The following FHIT variants were observed in gnomAD, a reference collection of about 807,000 sequenced individuals.
FHIT encodes the protein bis(5'-adenosyl)-triphosphatase.
Under a neutral mutation model 17.9 loss-of-function variants are expected in FHIT, and 19 were observed. The observed-to-expected ratio is 1.06, with a 90% CI of 0.74 to 1.56. The LOEUF (loss-of-function observed/expected upper bound fraction) is 1.56, where lower values mean the gene tolerates loss of function less well. Ranked by LOEUF, FHIT falls within the 40% of genes most tolerant of loss-of-function variation. The pLI is 0.00. For missense variants in FHIT, 248 were observed against 189.2 expected (o/e 1.31, Z -1.82); for synonymous variants, 81 against 69.7 (o/e 1.16, Z -0.81).
At chr3:60,715,588 A>C (rs2041661398) in intron 4 of FHIT, among the ~76,000 whole-genome samples, 1 of 127,120 alleles carries the variant, frequency 7.9e-6, no homozygotes, top group African/African-American at 3.1e-5. Context: ...ACATGGACGC[A>C]GGAAGGGGAA....
At chr3:61,218,011 T>A (rs770336409) in intron 1 of FHIT, among the ~76,000 whole-genome samples, 1 of 152,176 alleles carries the variant, frequency 6.6e-6, no homozygotes, top group Admixed American at 6.5e-5. Flanking sequence ...TGTGGATACA[T>A]TGAATTTGAA....
intron 2 of FHIT, among the ~76,000 whole-genome samples, chr3:61,087,339 A>T (rs146640529): frequency 1.3e-5 from 2 of 152,166 alleles, no homozygotes; most frequent in Non-Finnish European, 2.9e-5. Context: ...CCACTTTTGT[A>T]TATTATTATA....
At chr3:60,442,858 T>A (rs1264822907) in intron 5 of FHIT, among the ~76,000 whole-genome samples, 4 of 152,182 alleles carry the variant, frequency 2.6e-5, no homozygotes, top group African/African-American at 4.8e-5. Context: ...GTAAATTACC[T>A]TGGGCAGTAT....
intron 2 of FHIT, among the ~76,000 whole-genome samples, chr3:61,150,072 T>C (rs1237726854): frequency 6.6e-6 from 1 of 152,150 alleles, no homozygotes; most frequent in Non-Finnish European, 1.5e-5. Context: ...CAAGTAATTG[T>C]TGAAAATCTT....
intron 5 of FHIT, among the ~76,000 whole-genome samples, chr3:60,046,051 G>A (rs934668000): frequency 1.3e-5 from 2 of 152,190 alleles, no homozygotes; most frequent in Non-Finnish European, 2.9e-5. Flanking sequence ...TGTGTTTCCA[G>A]AAGTATGAAT....
At chr3:60,186,663 T>C (rs902509661) in intron 5 of FHIT, among the ~76,000 whole-genome samples, 15 of 152,124 alleles carry the variant, frequency 9.9e-5, no homozygotes, top group African/African-American at 1.7e-4. Context: ...TCTGTGAGTA[T>C]AGACGGGCCT....
intron 5 of FHIT, among the ~76,000 whole-genome samples, chr3:60,067,529 AAGGGCTTGCT>A (rs145897851): frequency 0.016 from 2,472 of 152,318 alleles, 30 homozygotes; most frequent in Non-Finnish European, 0.019. Flanking sequence ...GTACAATGCA[AAGGGCTTGCT>A]AGTCATATTT....
At chr3:61,094,123 AGTGTGTGTGT>A (rs146715486) in intron 2 of FHIT, among the ~76,000 whole-genome samples, 2 of 150,170 alleles carry the variant, frequency 1.3e-5, no homozygotes, top group South Asian at 4.2e-4. Flanking sequence ...AATGCAACCA[AGTGTGTGTGT>A]GTGTGTGTGT....
intron 2 of FHIT, among the ~76,000 whole-genome samples, chr3:61,047,634 T>G (rs1294738397): frequency 6.6e-6 from 1 of 152,144 alleles, no homozygotes; most frequent in Non-Finnish European, 1.5e-5. Context: ...AAAACTACTT[T>G]AAAGTTCATA....
intron 8 of FHIT, among the ~76,000 whole-genome samples, chr3:59,886,759 A>T (rs1414062157): frequency 2.6e-5 from 4 of 152,186 alleles, no homozygotes; most frequent in Admixed American, 2.6e-4. Context: ...AAATTTCAAC[A>T]TGAGGTTAGG....
At chr3:59,912,067 C>G (rs1257542159) in intron 8 of FHIT, among the ~76,000 whole-genome samples, 2 of 152,152 alleles carry the variant, frequency 1.3e-5, no homozygotes, top group African/African-American at 4.8e-5. Context: ...GTTTTCAAGT[C>G]TGCCTATGCC....
intron 5 of FHIT, among the ~76,000 whole-genome samples, chr3:60,102,074 G>A (rs1467031332): frequency 1.3e-5 from 2 of 152,128 alleles, no homozygotes; most frequent in African/African-American, 4.8e-5. Flanking sequence ...CCTTTTGGTG[G>A]GTGAGTCCCA....
At chr3:59,987,994 G>C (rs1364598301) in intron 7 of FHIT, among the ~76,000 whole-genome samples, 1 of 151,548 alleles carries the variant, frequency 6.6e-6, no homozygotes, top group East Asian at 1.9e-4. Flanking sequence ...GTAGATCCTT[G>C]AATGAATTTA....
intron 4 of FHIT, among the ~76,000 whole-genome samples, chr3:60,625,109 A>G (rs576275191): frequency 1.3e-5 from 2 of 152,222 alleles, no homozygotes; most frequent in East Asian, 3.9e-4. Flanking sequence ...AGGTTTCACC[A>G]TGTTGCCCAG....
At chr3:60,195,446 G>C (rs569467251) in intron 5 of FHIT, among the ~76,000 whole-genome samples, 3 of 150,508 alleles carry the variant, frequency 2.0e-5, no homozygotes, top group South Asian at 4.2e-4. Context: ...GATCAAAAAA[G>C]ACACCTGCAC....
intron 5 of FHIT, among the ~76,000 whole-genome samples, chr3:60,440,538 C>T (rs1243445905): frequency 3.3e-5 from 5 of 152,062 alleles, no homozygotes; most frequent in African/African-American, 1.2e-4. Flanking sequence ...ATTCGCTCAG[C>T]AATCCTATAA....
intron 7 of FHIT, among the ~76,000 whole-genome samples, chr3:59,950,620 C>T (rs1298633689): frequency 6.6e-6 from 1 of 152,138 alleles, no homozygotes; most frequent in Non-Finnish European, 1.5e-5. Context: ...TCCTACTACT[C>T]TCCACCAGAA....
Position 61,062,923 on chromosome 3 carries a change from C to T in FHIT, c.-163-20824G>A, listed in dbSNP as rs540765744. On this transcript the variant is annotated intron_variant, in intron 2 of 9. Coordinates refer to ENST00000492590, the MANE Select transcript of FHIT (RefSeq NM_002012.4). Reference sequence around the variant, plus strand: ...ATGCTGTGCTACGCATTCCAAATGGCGCCTTGGAGGACTAACTGATATCAT... The same window carrying T: ...ATGCTGTGCTACGCATTCCAAATGGTGCCTTGGAGGACTAACTGATATCAT... Among the ~76,000 whole-genome samples the T allele has an allele frequency of 2.4e-4, 36 of 152,230 alleles. No individual in the cohort carries two copies. The South Asian group carries it at 5.8e-3, about 25-fold the overall frequency.
chr3:59,752,678 C>T (rs1025706793), intron 8 of FHIT, among the ~76,000 whole-genome samples: 1 of 152,100 alleles, frequency 6.6e-6, no homozygotes, highest in Middle Eastern at 3.2e-3. Flanking sequence ...TGGTGCTGTT[C>T]TCATGATAGT....
Sources: gnomAD v4.1 joint callset for allele counts (sites outside exome capture counted in the v4.1 genomes callset) on GRCh38, gnomAD v4.1.1 for gene constraint, MANE v1.5 for transcripts, NCBI Gene and HGNC (gene_info 2026-07-23, HGNC 2026-07-21) for gene names.